Variants in VPS13B observed in about 807,000 individuals in gnomAD.
VPS13B encodes vacuolar protein sorting 13 homolog B.
Under a neutral mutation model 426.4 loss-of-function variants are expected in VPS13B, and 285 were observed. The observed-to-expected ratio is 0.67, with a 90% CI of 0.61 to 0.74. The LOEUF is 0.74. Among genes scored for constraint, VPS13B ranks in the 30% least tolerant of loss-of-function variants. The pLI, the probability that VPS13B is intolerant of heterozygous loss-of-function variation, is 0.00. For missense variants in VPS13B, 4,537 were observed against 4,782.6 expected (o/e 0.95, Z 1.51); for synonymous variants, 1,676 against 1,676.4 (o/e 1.00, Z 0.01).
chr8:99,141,826 T>C (rs1299682466), intron 12 of VPS13B, among the ~76,000 whole-genome samples: 8 of 148,666 alleles, frequency 5.4e-5, no homozygotes, highest in Non-Finnish European at 1.0e-4. Context: ...GGGCGGATCA[T>C]GAGGGCAGGA....
intron 17 of VPS13B, among the ~76,000 whole-genome samples, chr8:99,215,739 C>T (rs1815357909): frequency 2.0e-5 from 3 of 152,160 alleles, no homozygotes; most frequent in Non-Finnish European, 4.4e-5. Context: ...TATAAACAAC[C>T]TCTGCCTTGC....
intron 17 of VPS13B, among the ~76,000 whole-genome samples, chr8:99,257,929 G>A (rs1817840885): frequency 6.6e-6 from 1 of 151,436 alleles, no homozygotes; most frequent in African/African-American, 2.4e-5. Flanking sequence ...TGTACCAGTG[G>A]TTATTACTAA....
chr8:99,586,067 T>C (rs1317439572), intron 33 of VPS13B, among the ~76,000 whole-genome samples: 2 of 152,160 alleles, frequency 1.3e-5, no homozygotes, highest in Admixed American at 1.3e-4. Context: ...CTCTTTTCAG[T>C]GGACACAACC....
At chr8:99,867,862 G>A (rs1817185295) in intron 58 of VPS13B, among the ~76,000 whole-genome samples, 1 of 152,140 alleles carries the variant, frequency 6.6e-6, no homozygotes, top group African/African-American at 2.4e-5. Flanking sequence ...TGGAGAGTTA[G>A]AAAGGGGCTA....
At chr8:99,078,779 C>T (rs564344417) in intron 3 of VPS13B, among the ~76,000 whole-genome samples, 15 of 152,028 alleles carry the variant, frequency 9.9e-5, no homozygotes, top group African/African-American at 7.2e-5. Flanking sequence ...AGTGGCAGGC[C>T]AGCAGTGGTG....
At chr8:99,821,158 ACACACACACC>A in intron 49 of VPS13B, 126 bp from the exon 50 acceptor site, 9 of 647,760 alleles carry the variant, frequency 1.4e-5, no homozygotes, top group East Asian at 6.4e-5. Flanking sequence ...ACACACACAC[ACACACACACC>A]ATGGAGGGAT....
chr8:99,727,249 C>A (rs1563884718), intron 39 of VPS13B, among the ~76,000 whole-genome samples: 2 of 152,200 alleles, frequency 1.3e-5, no homozygotes, highest in East Asian at 3.9e-4. Context: ...AGCCACCTCA[C>A]TGAGAAATGT....
chr8:99,582,767 T>G (rs1189752607), intron 33 of VPS13B, among the ~76,000 whole-genome samples: 3 of 152,188 alleles, frequency 2.0e-5, no homozygotes, highest in Admixed American at 6.5e-5. Flanking sequence ...GCCATTCTCC[T>G]GCCTCAGCCT....
At chr8:99,145,803 A>G (rs1191035745) in intron 13 of VPS13B, among the ~76,000 whole-genome samples, 1 of 152,202 alleles carries the variant, frequency 6.6e-6, no homozygotes, top group Admixed American at 6.5e-5. Flanking sequence ...TTTTTGTGTA[A>G]ACATTTCTTC....
At chr8:99,184,167 T>C (rs1014026008) in intron 16 of VPS13B, among the ~76,000 whole-genome samples, 5 of 152,218 alleles carry the variant, frequency 3.3e-5, no homozygotes, top group African/African-American at 1.2e-4. Flanking sequence ...AAGGCTATTA[T>C]GAATAATGCT....
intron 43 of VPS13B, chr8:99,796,678 G>T (rs143237470): frequency 2.0e-5 from 3 of 152,350 alleles, no homozygotes; most frequent in Admixed American, 6.5e-5. Flanking sequence ...GCACTCAAAA[G>T]GTTCTTCTGT....
intron 7 of VPS13B, 120 bp from the exon 8 acceptor site, chr8:99,121,057 T>TA: frequency 1.2e-6 from 1 of 805,584 alleles, no homozygotes; most frequent in Non-Finnish European, 1.9e-6. Context: ...AATCACTGTA[T>TA]CATTTGTTTA....
At chr8:99,643,895 G>A (rs1829472528) in intron 34 of VPS13B, among the ~76,000 whole-genome samples, 1 of 152,162 alleles carries the variant, frequency 6.6e-6, no homozygotes, top group Admixed American at 6.6e-5. Context: ...TGGTATAGTG[G>A]AACATGTTAT....
intron 51 of VPS13B, among the ~76,000 whole-genome samples, chr8:99,824,353 G>A (rs1366808390): frequency 6.6e-6 from 1 of 152,212 alleles, no homozygotes; most frequent in Non-Finnish European, 1.5e-5. Flanking sequence ...GCAGTGCCTG[G>A]GGGAGCCATG....
intron 40 of VPS13B, among the ~76,000 whole-genome samples, chr8:99,772,732 G>GGA (rs1811570752): frequency 6.6e-6 from 1 of 152,166 alleles, no homozygotes; most frequent in African/African-American, 2.4e-5. Context: ...AAGTGTGCTT[G>GGA]TTATTTGGAG....
chr8:99,048,399 C>T (rs1424575113), intron 3 of VPS13B, among the ~76,000 whole-genome samples: 1 of 152,148 alleles, frequency 6.6e-6, no homozygotes, highest in Non-Finnish European at 1.5e-5. Context: ...TCCATTGTTT[C>T]TTTGTTGACT....
intron 33 of VPS13B, among the ~76,000 whole-genome samples, chr8:99,587,568 G>T (rs1826370349): frequency 6.6e-6 from 1 of 151,758 alleles, no homozygotes; most frequent in African/African-American, 2.4e-5. Context: ...TTTCTTTGAT[G>T]ACCAGTGATG....
At chr8:99,313,676 C>T (rs1821141092) in intron 19 of VPS13B, among the ~76,000 whole-genome samples, 1 of 152,162 alleles carries the variant, frequency 6.6e-6, no homozygotes, top group Non-Finnish European at 1.5e-5. Context: ...GCTGGGAGAA[C>T]CACTACTCAC....
At chr8:99,068,245 G>A (rs558080704) in intron 3 of VPS13B, among the ~76,000 whole-genome samples, 1 of 152,098 alleles carries the variant, frequency 6.6e-6, no homozygotes, top group African/African-American at 2.4e-5. Flanking sequence ...CATAAATTTT[G>A]TGCTTTTTTC....
Sources: allele counts gnomAD v4.1 joint callset (sites outside exome capture counted in the v4.1 genomes callset), GRCh38; gene constraint gnomAD v4.1.1; transcripts MANE v1.5; gene names NCBI Gene and HGNC (gene_info 2026-07-23, HGNC 2026-07-21).